Variants in ME1 observed in about 807,000 individuals in gnomAD.
The protein encoded by ME1 is NADP-dependent malic enzyme.
ME1 carries 74 observed loss-of-function variants against 66.4 expected under a neutral mutation model. The ratio of observed to expected loss-of-function variants is 1.11; its 90% CI spans 0.92 to 1.35. The LOEUF is 1.35. Ranked by LOEUF, ME1 falls within the 40% of genes most tolerant of loss-of-function variation. ME1 has a pLI of 0.00. For missense variants in ME1, 750 were observed against 694.1 expected (o/e 1.08, Z -0.90); for synonymous variants, 251 against 235.6 (o/e 1.07, Z -0.60).
At chr6:83,369,967 A>G (rs1769166441) in intron 3 of ME1, among the ~76,000 whole-genome samples, 1 of 152,174 alleles carries the variant, frequency 6.6e-6, no homozygotes, top group African/African-American at 2.4e-5. Flanking sequence ...TCCTTTAGGA[A>G]AGGTTTTAAA....
intron 3 of ME1, 23 bp downstream of exon 3, chr6:83,398,344 A>T (rs750266224): frequency 1.2e-5 from 18 of 1,522,466 alleles, no homozygotes; most frequent in South Asian, 1.2e-4. Context: ...CACAAGTTGC[A>T]TATAAAATAA....
chr6:83,220,897 A>T (rs1294312884), intron 12 of ME1, among the ~76,000 whole-genome samples: 1 of 152,226 alleles, frequency 6.6e-6, no homozygotes, highest in East Asian at 1.9e-4. Context: ...GCGGTGGCTC[A>T]TGCCTATAAT....
chr6:83,253,069 GA>G lies in ME1; in HGVS notation c.814+559del, dbSNP rs1307125483. Among the ~76,000 whole-genome samples, 3 of 152,156 alleles carry G rather than the reference GA, an allele frequency of 2.0e-5. No individual in the cohort carries two copies. In the East Asian group the frequency reaches 5.8e-4, roughly 29 times the overall value. On this transcript the variant is annotated intron_variant, in intron 7 of 13. Coordinates refer to ENST00000369705, the MANE Select transcript of ME1 (RefSeq NM_002395.6). ...GTGCTTCCCCCTACCTTCCAATAATGAAACAGAACCTGTAAGATTCTCATAG... is the reference window on the plus strand; with the variant it reads ...GTGCTTCCCCCTACCTTCCAATAATGAACAGAACCTGTAAGATTCTCATAG...
chr6:83,430,279 T>G (rs1460432341), intron 1 of ME1, among the ~76,000 whole-genome samples: 1 of 152,180 alleles, frequency 6.6e-6, no homozygotes, highest in African/African-American at 2.4e-5. Context: ...TACCAAGCCA[T>G]GCAAAGTGTC....
At chr6:83,266,003 T>C (rs1163613512) in intron 6 of ME1, among the ~76,000 whole-genome samples, 1 of 152,240 alleles carries the variant, frequency 6.6e-6, no homozygotes, top group African/African-American at 2.4e-5. Context: ...AAAGGATTTT[T>C]CCTGAAATGT....
chr6:83,307,127 C>T (rs548105744), intron 6 of ME1, among the ~76,000 whole-genome samples: 1 of 151,862 alleles, frequency 6.6e-6, no homozygotes, highest in East Asian at 1.9e-4. Flanking sequence ...ACTTTAAATC[C>T]ATTATGGAAT....
chr6:83,391,420 T>C (rs772176713), intron 3 of ME1, among the ~76,000 whole-genome samples: 12 of 152,094 alleles, frequency 7.9e-5, no homozygotes, highest in Non-Finnish European at 1.8e-4. Context: ...CTAACTCCAT[T>C]ATTACCCTCC....
chr6:83,355,147 A>G (rs1768865090), intron 3 of ME1, among the ~76,000 whole-genome samples: 1 of 152,218 alleles, frequency 6.6e-6, no homozygotes, highest in Non-Finnish European at 1.5e-5. Flanking sequence ...ATGTGAGCCT[A>G]TAAAATCAGC....
chr6:83,213,673 A>C (rs186229356), intron 13 of ME1, among the ~76,000 whole-genome samples: 5 of 152,188 alleles, frequency 3.3e-5, no homozygotes, highest in Admixed American at 6.5e-5. Flanking sequence ...AGCCGAATTC[A>C]CATCAGTTCT....
chr6:83,228,009 A>C (rs1790230667), intron 10 of ME1, among the ~76,000 whole-genome samples: 1 of 152,214 alleles, frequency 6.6e-6, no homozygotes, highest in Non-Finnish European at 1.5e-5. Flanking sequence ...AATATTAAAC[A>C]CTTAGTAAAG....
At chr6:83,372,500 C>T (rs1401914951) in intron 3 of ME1, among the ~76,000 whole-genome samples, 1 of 152,178 alleles carries the variant, frequency 6.6e-6, no homozygotes, top group Non-Finnish European at 1.5e-5. Context: ...TGTGGATTCT[C>T]CATTCCCTAG....
chr6:83,262,084 A>T (rs1766910867), intron 6 of ME1, among the ~76,000 whole-genome samples: 1 of 152,054 alleles, frequency 6.6e-6, no homozygotes, highest in African/African-American at 2.4e-5. Context: ...GAGACAAATG[A>T]CATGTTATTT....
chr6:83,408,870 G>A (rs1769993898), intron 1 of ME1, among the ~76,000 whole-genome samples: 1 of 152,148 alleles, frequency 6.6e-6, no homozygotes, highest in Non-Finnish European at 1.5e-5. Context: ...TCCAGGATAA[G>A]TACACCAATA....
At chr6:83,256,822 A>C (rs1053820438) in intron 6 of ME1, among the ~76,000 whole-genome samples, 1 of 152,214 alleles carries the variant, frequency 6.6e-6, no homozygotes, top group Admixed American at 6.5e-5. Context: ...CTGGATAAAG[A>C]AAATGAGGCA....
intron 6 of ME1, among the ~76,000 whole-genome samples, chr6:83,286,740 TCAAGGAAA>T (rs779621435): frequency 5.3e-5 from 8 of 152,146 alleles, no homozygotes; most frequent in Non-Finnish European, 1.0e-4. Flanking sequence ...GCTGGCTATT[TCAAGGAAA>T]ATGAGTTGTT....
At chr6:83,272,605 C>A (rs1767103142) in intron 6 of ME1, among the ~76,000 whole-genome samples, 1 of 151,934 alleles carries the variant, frequency 6.6e-6, no homozygotes, top group South Asian at 2.1e-4. Context: ...TGCTTTTTTT[C>A]TTTTACGGGT....
At chr6:83,398,234 A>G (rs1016020103) in intron 3 of ME1, 133 bp downstream of exon 3, 2 of 593,844 alleles carry the variant, frequency 3.4e-6, no homozygotes, top group South Asian at 5.7e-5. Flanking sequence ...GTTTCAGAAC[A>G]TCCTCTGTAC....
At chr6:83,321,387 A>G (rs904039693) in intron 5 of ME1, among the ~76,000 whole-genome samples, 2 of 152,188 alleles carry the variant, frequency 1.3e-5, no homozygotes, top group Admixed American at 6.5e-5. Context: ...TATGGAGCCC[A>G]GCAAGCTAAG....
At chr6:83,304,553 A>G (rs1767791086) in intron 6 of ME1, among the ~76,000 whole-genome samples, 1 of 152,204 alleles carries the variant, frequency 6.6e-6, no homozygotes, top group Non-Finnish European at 1.5e-5. Context: ...TGGCATTTTT[A>G]CCATGTATAT....
Sources: gnomAD v4.1 joint callset for allele counts (sites outside exome capture counted in the v4.1 genomes callset) on GRCh38, gnomAD v4.1.1 for gene constraint, MANE v1.5 for transcripts, NCBI Gene and HGNC (gene_info 2026-07-23, HGNC 2026-07-21) for gene names.